The following USH2A variants were observed in gnomAD, a reference collection of about 807,000 sequenced individuals.
USH2A encodes Usher syndrome 2A (autosomal recessive, mild).
USH2A carries 443 observed loss-of-function variants against 538.9 expected under a neutral mutation model. That is an observed-to-expected ratio of 0.82 (90% CI 0.76 to 0.89). USH2A has a LOEUF of 0.89. USH2A is among the 40% of genes least tolerant of loss of function. The pLI is 0.00. For synonymous variants in USH2A, 2,413 were observed against 2,273.5 expected, an observed-to-expected ratio of 1.06 and a Z score of -1.75; for missense variants, 6,633 against 6,324.8, an observed-to-expected ratio of 1.05 and a Z score of -1.65.
Position 215,985,875 on chromosome 1 carries a change from CG to C in USH2A, c.6805+7144del, listed in dbSNP as rs1667858935. On this transcript the variant is annotated intron_variant, in intron 35 of 71. Transcript: ENST00000307340. The stretch of plus-strand genomic sequence containing the variant: ...TGAGCCAAATGTTTTTTTTAAATAA[CG>C]TTCTATTGTCTTCAAGGTACTACGT... 2.6e-5 allele frequency among the ~76,000 whole-genome samples: 4 copies of C among 151,920 alleles called. No homozygotes were observed. The South Asian group carries it at 8.3e-4, about 32-fold the overall frequency.
intron 4 of USH2A, among the ~76,000 whole-genome samples, chr1:216,338,129 T>C (rs1401456450): frequency 6.6e-6 from 1 of 151,450 alleles, no homozygotes; most frequent in African/African-American, 2.4e-5. Flanking sequence ...ATAAAAAATC[T>C]CAATAAACAT....
intron 30 of USH2A, among the ~76,000 whole-genome samples, chr1:216,050,613 T>TCCTTC (rs1258177481): frequency 1.2e-5 from 1 of 85,550 alleles, no homozygotes; most frequent in Non-Finnish European, 2.8e-5. Flanking sequence ...TCTTTTTTTT[T>TCCTTC]TTTTTTTTTG....
intron 3 of USH2A, among the ~76,000 whole-genome samples, chr1:216,405,588 C>T (rs1423094805): frequency 1.3e-5 from 2 of 152,184 alleles, no homozygotes. Flanking sequence ...AGCACTCATA[C>T]ATCACTGGTG....
At position 215,852,369 on chromosome 1, in the gene USH2A, A is replaced by G. The variant is rs187099935; in HGVS notation, c.8846-6336T>C. Among the ~76,000 whole-genome samples, 6 of 152,280 alleles carry G rather than the reference A, an allele frequency of 3.9e-5. No individual in the cohort carries two copies. The East Asian group carries it at 9.7e-4, about 25-fold the overall frequency. On this transcript the variant is annotated intron_variant, in intron 44 of 71. Transcript: ENST00000307340. ...GGAAAAGACCCGCCCCCATGATTCAATTATCTCCCACTGGGTCCCTCCCAT... is the reference window on the plus strand; with the variant it reads ...GGAAAAGACCCGCCCCCATGATTCAGTTATCTCCCACTGGGTCCCTCCCAT...
chr1:216,188,044 G>A (rs1553312158), intron 20 of USH2A, among the ~76,000 whole-genome samples: 2 of 151,628 alleles, frequency 1.3e-5, no homozygotes, highest in African/African-American at 2.4e-5. Flanking sequence ...ATTTTTCAAG[G>A]ATAAAAAAAA....
intron 16 of USH2A, among the ~76,000 whole-genome samples, chr1:216,203,412 T>C (rs2035042376): frequency 6.6e-6 from 1 of 152,124 alleles, no homozygotes; most frequent in Non-Finnish European, 1.5e-5. Context: ...ATAATAGTTA[T>C]GTGAATATGG....
chr1:215,815,032 C>T (rs968641435), intron 48 of USH2A, among the ~76,000 whole-genome samples: 2 of 151,976 alleles, frequency 1.3e-5, no homozygotes, highest in African/African-American at 2.4e-5. Flanking sequence ...CTTTTAAACC[C>T]GCAATACAAG....
intron 61 of USH2A, among the ~76,000 whole-genome samples, chr1:215,687,727 T>C (rs915207249): frequency 6.6e-6 from 1 of 152,290 alleles, no homozygotes; most frequent in Admixed American, 6.5e-5. Context: ...AATTTCACTC[T>C]GATAATCTAT....
At chr1:215,946,278 C>A (rs1462641548) in intron 37 of USH2A, among the ~76,000 whole-genome samples, 2 of 152,144 alleles carry the variant, frequency 1.3e-5, no homozygotes, top group Non-Finnish European at 2.9e-5. Context: ...ACATTAACTA[C>A]ATTTAATTTT....
Position 215,650,664 on chromosome 1 carries a change from G to A in USH2A, c.14271C>T (p.Ala4757=). 2 of 1,614,090 alleles carry A rather than the reference G, an allele frequency of 1.2e-6. No individual in the cohort carries two copies. Among genetic ancestry groups the A allele is most frequent in the South Asian group, 1.1e-5 (1 of 91,082 alleles). The change falls in exon 65 of 72, where the codon GCC becomes GCT. Residue 4757 remains alanine, a synonymous_variant. Transcript: ENST00000307340. ...SSTQAVVNIS[A]PGKPNGIVSL... is the part of the protein sequence containing the mutation. Reference sequence around the variant, plus strand: ...TGACGATCCCGTTGGGCTTCCCAGGGGCACTGATGTTGACCACTGCTTGGG... The same window carrying A: ...TGACGATCCCGTTGGGCTTCCCAGGAGCACTGATGTTGACCACTGCTTGGG...
intron 20 of USH2A, among the ~76,000 whole-genome samples, chr1:216,188,876 A>G (rs1382287150): frequency 6.6e-6 from 1 of 151,740 alleles, no homozygotes; most frequent in African/African-American, 2.4e-5. Context: ...CCCAGTCTTC[A>G]CCCTCCGTTG....
chr1:216,349,967 T>C (rs892362256), intron 4 of USH2A, among the ~76,000 whole-genome samples: 7 of 152,156 alleles, frequency 4.6e-5, no homozygotes, highest in African/African-American at 1.7e-4. Flanking sequence ...AGTTGACTCA[T>C]AGTTCTGCAT....
At chr1:216,007,310 G>A (rs1365912947) in intron 32 of USH2A, among the ~76,000 whole-genome samples, 1 of 151,794 alleles carries the variant, frequency 6.6e-6, no homozygotes, top group Admixed American at 6.6e-5. Context: ...CTATAAAATA[G>A]ATTTCTCTGT....
In USH2A at chr1:216,292,356, C is replaced by T. The variant is rs535791092; in HGVS notation, c.1659G>A (p.Leu553=). Residue 553 remains leucine (L), a synonymous_variant, in exon 10 of 72, where the codon TTG becomes TTA. Transcript: ENST00000307340. ...FTEGLHCDRC[L]PLYNDKPFRQ... is the part of the protein sequence containing the mutation. ...GGAAAGGCTTGTCATTATAAAGAGG[C>T]AAGCAGCGATCACACTAGAACAAAA... 1 of 1,613,716 alleles carries T rather than the reference C, an allele frequency of 6.2e-7. No individual in the cohort carries two copies. Among genetic ancestry groups the T allele is most frequent in the South Asian group, 1.1e-5 (1 of 91,060 alleles).
At chr1:216,009,338 C>A (rs1480461872) in intron 32 of USH2A, among the ~76,000 whole-genome samples, 1 of 152,148 alleles carries the variant, frequency 6.6e-6, no homozygotes, top group Non-Finnish European at 1.5e-5. Flanking sequence ...TCTCACTTGA[C>A]CTAAAATCTA....
chr1:216,181,644 G>C (rs940852412), intron 20 of USH2A, among the ~76,000 whole-genome samples: 1 of 152,048 alleles, frequency 6.6e-6, no homozygotes, highest in Non-Finnish European at 1.5e-5. Context: ...ACATATAGCA[G>C]CAATGATGAC....
At chr1:215,681,374 C>T (rs1177936018) in intron 61 of USH2A, among the ~76,000 whole-genome samples, 5 of 151,778 alleles carry the variant, frequency 3.3e-5, no homozygotes, top group South Asian at 2.1e-4. Context: ...TTTTCTGTTG[C>T]GTACCATCCC....
intron 36 of USH2A, among the ~76,000 whole-genome samples, chr1:215,965,962 C>T (rs904117322): frequency 6.6e-5 from 10 of 150,386 alleles, no homozygotes; most frequent in South Asian, 2.1e-4. Flanking sequence ...CACACACACA[C>T]GCATGCATAC....
intron 4 of USH2A, among the ~76,000 whole-genome samples, chr1:216,332,452 G>A (rs777496288): frequency 1.5e-4 from 23 of 152,148 alleles, no homozygotes; most frequent in Non-Finnish European, 2.2e-4. Flanking sequence ...AAATGCCTGC[G>A]AATCTACAAG....
Sources: allele counts gnomAD v4.1 joint callset (sites outside exome capture counted in the v4.1 genomes callset), GRCh38; gene constraint gnomAD v4.1.1; transcripts MANE v1.5; gene names NCBI Gene and HGNC (gene_info 2026-07-23, HGNC 2026-07-21).